Variants in TUBGCP3 observed in about 807,000 individuals in gnomAD.
TUBGCP3 encodes gamma-tubulin complex component 3.
Under a neutral mutation model 123.1 loss-of-function variants are expected in TUBGCP3, and 50 were observed. The ratio of observed to expected loss-of-function variants is 0.41; its 90% CI spans 0.32 to 0.51. The LOEUF (loss-of-function observed/expected upper bound fraction) is 0.51, where lower values mean the gene tolerates loss of function less well. TUBGCP3 is among the 20% of genes least tolerant of loss of function. TUBGCP3 has a pLI of 0.36. For missense variants in TUBGCP3, 882 were observed against 1,127.0 expected (o/e 0.78, Z 3.11); for synonymous variants, 405 against 413.9 (o/e 0.98, Z 0.26).
At chr13:112,558,649 A>G (rs1425602544) in intron 4 of TUBGCP3, among the ~76,000 whole-genome samples, 1 of 152,066 alleles carries the variant, frequency 6.6e-6, no homozygotes, top group Non-Finnish European at 1.5e-5. Flanking sequence ...CTAAACACTC[A>G]CTCTGATCCA....
chr13:112,540,292 C>A (rs1878409265), intron 11 of TUBGCP3, among the ~76,000 whole-genome samples: 2 of 141,876 alleles, frequency 1.4e-5, no homozygotes, highest in African/African-American at 2.5e-5. Flanking sequence ...TATGAGCATT[C>A]AGGTGGTCTT....
chr13:112,547,614 T>C lies in TUBGCP3; in HGVS notation c.1168+6A>G. ...AAGACGTGCGTGGGAAAGACGCGCG[T>C]GGGACCTTGGCAGTGGTCCACTAGG... On this transcript the variant is annotated splice_donor_region_variant and intron_variant, in intron 10 of 21. Transcript: ENST00000261965. 6.6e-7 allele frequency: 1 copy of C among 1,512,978 alleles called. No individual in the cohort carries two copies. Among genetic ancestry groups the C allele is most frequent in the Non-Finnish European group, 8.9e-7 (1 of 1,125,114 alleles). 93.7% of individuals were successfully genotyped at this position (1,512,978 alleles called of 1,614,324 possible).
intron 1 of TUBGCP3, among the ~76,000 whole-genome samples, chr13:112,579,818 C>A (rs1056427254): frequency 6.6e-6 from 1 of 152,232 alleles, no homozygotes. Context: ...CCCTGAGGCC[C>A]AACAACCCCA....
At chr13:112,569,292 C>T (rs760968466) in intron 1 of TUBGCP3, 33 bp from the exon 2 acceptor site, 37 of 1,608,290 alleles carry the variant, frequency 2.3e-5, no homozygotes, top group Non-Finnish European at 3.0e-5. Flanking sequence ...CGGATTGTTA[C>T]CAACCAGGTT....
chr13:112,577,906 G>A (rs912566062), intron 1 of TUBGCP3, among the ~76,000 whole-genome samples: 2 of 152,128 alleles, frequency 1.3e-5, no homozygotes, highest in African/African-American at 4.8e-5. Flanking sequence ...TGTGAGGGGG[G>A]AAAAAGCTTT....
intron 20 of TUBGCP3, among the ~76,000 whole-genome samples, chr13:112,498,321 G>T (rs564830417): frequency 1.3e-5 from 2 of 152,098 alleles, no homozygotes; most frequent in South Asian, 4.2e-4. Context: ...TACATAACGA[G>T]GTATCTCGGA....
intron 20 of TUBGCP3, among the ~76,000 whole-genome samples, chr13:112,490,143 G>T (rs1869129489): frequency 6.6e-6 from 1 of 152,142 alleles, no homozygotes; most frequent in Non-Finnish European, 1.5e-5. Flanking sequence ...CCCTAACCAT[G>T]ATGTACTTTT....
chr13:112,496,606 C>G (rs1044253164), intron 20 of TUBGCP3, among the ~76,000 whole-genome samples: 1 of 152,212 alleles, frequency 6.6e-6, no homozygotes, highest in Non-Finnish European at 1.5e-5. Flanking sequence ...GCCTATGCAT[C>G]TGTCCCACTC....
chr13:112,538,471 T>G (rs1878247542), intron 11 of TUBGCP3, among the ~76,000 whole-genome samples: 1 of 152,192 alleles, frequency 6.6e-6, no homozygotes, highest in Non-Finnish European at 1.5e-5. Context: ...CTCTGTTCAT[T>G]TTCCTTCCCT....
chr13:112,504,292 A>G (rs773272739), intron 18 of TUBGCP3, 129 bp from the exon 19 acceptor site: 28 of 1,203,016 alleles, frequency 2.3e-5, no homozygotes, highest in Non-Finnish European at 3.1e-5. Flanking sequence ...GTTAGAAACC[A>G]GCCTGGCCAA....
chr13:112,515,718 G>C (rs181366831), intron 17 of TUBGCP3, among the ~76,000 whole-genome samples: 5 of 152,076 alleles, frequency 3.3e-5, no homozygotes, highest in African/African-American at 1.2e-4. Context: ...AATAAAAACC[G>C]ACAATTCTAC....
chr13:112,521,890 T>A, intron 14 of TUBGCP3: 1 of 978,730 alleles, frequency 1.0e-6, no homozygotes, highest in Non-Finnish European at 1.2e-6. Flanking sequence ...CCATGAGAAA[T>A]GTCAGGGAGC....
chr13:112,493,429 A>T (rs1414102093), intron 20 of TUBGCP3, among the ~76,000 whole-genome samples: 8 of 114,638 alleles, frequency 7.0e-5, no homozygotes, highest in African/African-American at 1.7e-4. Context: ...CACTCTGGCT[A>T]TGGGAACATG....
At chr13:112,565,801 A>G (rs9635119) in intron 2 of TUBGCP3, among the ~76,000 whole-genome samples, 23,860 of 151,950 alleles carry the variant, frequency 0.16, 2,100 homozygotes, top group Non-Finnish European at 0.21. Flanking sequence ...TGGGTGTGTT[A>G]GCGGGCACCT....
chr13:112,551,137 C>G (rs1879550425), intron 8 of TUBGCP3, among the ~76,000 whole-genome samples: 1 of 152,030 alleles, frequency 6.6e-6, no homozygotes, highest in African/African-American at 2.4e-5. Context: ...CTGAAATAAT[C>G]AAATCATTAT....
At chr13:112,589,883 AC>A (rs1398454385), upstream of TUBGCP3, among the ~76,000 whole-genome samples, 1 of 152,238 alleles carries the variant, frequency 6.6e-6, no homozygotes, top group Non-Finnish European at 1.5e-5. Flanking sequence ...ATCTCCAAAA[AC>A]AGGACGAGAA....
chr13:112,529,212 T>C (rs1877373352), intron 11 of TUBGCP3, among the ~76,000 whole-genome samples: 1 of 152,210 alleles, frequency 6.6e-6, no homozygotes, highest in South Asian at 2.1e-4. Context: ...CAGTATGTTA[T>C]AAGGGGGAAG....
At chr13:112,520,085 G>C in intron 14 of TUBGCP3, 64 bp from the exon 15 acceptor site, 1 of 1,473,402 alleles carries the variant, frequency 6.8e-7, no homozygotes, top group Middle Eastern at 2.0e-4. Flanking sequence ...TTTAAAAAAC[G>C]TATAAACTAT....
chr13:112,540,562 C>T (rs111563729), intron 11 of TUBGCP3, among the ~76,000 whole-genome samples: 11 of 117,514 alleles, frequency 9.4e-5, no homozygotes, highest in Admixed American at 4.1e-4. Flanking sequence ...TGGGAAAGGA[C>T]ACCTGGGAAT....
Sources: allele counts gnomAD v4.1 joint callset (sites outside exome capture counted in the v4.1 genomes callset), GRCh38; gene constraint gnomAD v4.1.1; transcripts MANE v1.5; gene names NCBI Gene and HGNC (gene_info 2026-07-23, HGNC 2026-07-21).